The following ERC1 variants were observed in gnomAD, a reference collection of about 807,000 sequenced individuals.
ERC1 encodes ELKS/RAB6-interacting/CAST family member 1.
Under a neutral mutation model 132.0 loss-of-function variants are expected in ERC1, and 56 were observed. That is an observed-to-expected ratio of 0.42 (90% CI 0.34 to 0.53). The LOEUF is 0.53. Among genes scored for constraint, ERC1 ranks in the 20% least tolerant of loss-of-function variants. ERC1 has a pLI of 0.03. For missense variants in ERC1, 1,202 were observed against 1,349.9 expected (o/e 0.89, Z 1.72); for synonymous variants, 478 against 476.1 (o/e 1.00, Z -0.05).
intron 18 of ERC1, among the ~76,000 whole-genome samples, chr12:1,462,027 A>G (rs1033366839): frequency 6.6e-6 from 1 of 152,228 alleles, no homozygotes; most frequent in Non-Finnish European, 1.5e-5. Context: ...TTTAGTATCT[A>G]TTAGATACTT....
chr12:1,375,078 T>G (rs1052053657), intron 16 of ERC1, among the ~76,000 whole-genome samples: 6 of 144,810 alleles, frequency 4.1e-5, no homozygotes, highest in African/African-American at 1.6e-4. Context: ...ACCCTGGTTG[T>G]TCTAGTCATC....
chr12:1,056,665 G>A (rs1053030053), intron 2 of ERC1, among the ~76,000 whole-genome samples: 8 of 152,030 alleles, frequency 5.3e-5, no homozygotes, highest in Non-Finnish European at 5.9e-5. Context: ...TCTGCCCAGC[G>A]CAGTGTCTGT....
intron 2 of ERC1, among the ~76,000 whole-genome samples, chr12:1,049,016 T>C (rs1971495303): frequency 6.6e-6 from 1 of 152,246 alleles, no homozygotes; most frequent in Non-Finnish European, 1.5e-5. Flanking sequence ...TTAGGCCTTC[T>C]TGAAAATTAT....
intron 15 of ERC1, among the ~76,000 whole-genome samples, chr12:1,308,496 A>G (rs887316730): frequency 6.6e-6 from 1 of 152,190 alleles, no homozygotes; most frequent in Non-Finnish European, 1.5e-5. Flanking sequence ...GTTTCTTGGC[A>G]GTAGGACAGA....
Position 1,336,950 on chromosome 12 carries a change from A to G in ERC1, c.2781-34883A>G, listed in dbSNP as rs150181745. On this transcript the variant is annotated intron_variant, in intron 15 of 18. Transcript: ENST00000360905. ...GTAGCTGGGACTACAGGCATGCACG[A>G]GCATGCTGGCTATTTTGTTCTGTTT... is the stretch of plus-strand genomic sequence containing the variant. 1.7e-3 allele frequency among the ~76,000 whole-genome samples: 261 copies of G among 152,228 alleles called. 1 individual carries two copies. The highest frequency in any genetic ancestry group is 5.9e-3 in the African/African-American group (246 of 41,524).
At chr12:1,140,843 G>A (rs920979813) in intron 7 of ERC1, among the ~76,000 whole-genome samples, 7 of 151,982 alleles carry the variant, frequency 4.6e-5, no homozygotes, top group African/African-American at 1.7e-4. Flanking sequence ...ATATAAAATA[G>A]CTCATTAATA....
At position 1,254,614 on chromosome 12, in the gene ERC1, G is replaced by A. The variant is rs1205379976; in HGVS notation, c.2488-8420G>A. Among the ~76,000 whole-genome samples, 6 of 152,148 alleles carry A rather than the reference G, an allele frequency of 3.9e-5. No individual in the cohort carries two copies. The South Asian group carries it at 1.0e-3, about 26-fold the overall frequency. On this transcript the variant is annotated intron_variant, in intron 13 of 18. Coordinates refer to ENST00000360905, the MANE Select transcript of ERC1 (RefSeq NM_178040.4). ...TGCAACCACCGCCTCCCCGGTTCAG[G>A]CAATTCTCCCTGCCTCAGCCTCCCG...
intron 2 of ERC1, among the ~76,000 whole-genome samples, chr12:1,044,832 T>C (rs1035513222): frequency 6.6e-6 from 1 of 152,178 alleles, no homozygotes; most frequent in Non-Finnish European, 1.5e-5. Flanking sequence ...TCAGGAACTT[T>C]GAGTAGAGTA....
rs192922998 is a variant in ERC1 at position 1,024,699 on chromosome 12, C to T, written c.-156-3049C>T. Among the ~76,000 whole-genome samples, 12 of 151,640 alleles carry T rather than the reference C, an allele frequency of 7.9e-5. No individual in the cohort carries two copies. The East Asian group carries it at 1.9e-3, about 24-fold the overall frequency. On this transcript the variant is annotated intron_variant, in intron 1 of 18. Transcript: ENST00000360905. ...AATGATGCTAGGAAATCAGAGAGAT[C>T]TAGTTTAGATCTATATTGTCTTTGA...
At chr12:1,454,369 C>G (rs1420314095) in intron 18 of ERC1, among the ~76,000 whole-genome samples, 1 of 152,198 alleles carries the variant, frequency 6.6e-6, no homozygotes, top group Non-Finnish European at 1.5e-5. Context: ...ATAAGCCATT[C>G]TATCAAATTA....
rs1565893560 is a variant in ERC1 at position 1,065,011 on chromosome 12, C to CT, written c.670-18146dup. ...GAGTTTTTTCTTTTTTTTTCTTTTTCTTTTTTTGAGGCAGAGTCTCGCTCT... is the reference window on the plus strand; with the variant it reads ...GAGTTTTTTCTTTTTTTTTCTTTTTCTTTTTTTTGAGGCAGAGTCTCGCTCT... On this transcript the variant is annotated intron_variant, in intron 2 of 18. Transcript: ENST00000360905. 2.1e-5 allele frequency among the ~76,000 whole-genome samples: 3 copies of CT among 146,070 alleles called. No homozygotes were observed. In the South Asian group the frequency reaches 6.5e-4, roughly 32 times the overall value.
At chr12:1,483,327 G>A (rs2094127280) in intron 18 of ERC1, among the ~76,000 whole-genome samples, 1 of 152,086 alleles carries the variant, frequency 6.6e-6, no homozygotes, top group Non-Finnish European at 1.5e-5. Flanking sequence ...AATCATACAA[G>A]ACGTGGTCTG....
chr12:1,231,747 AT>A (rs1031466696), intron 12 of ERC1, among the ~76,000 whole-genome samples: 16 of 149,378 alleles, frequency 1.1e-4, no homozygotes, highest in Admixed American at 8.7e-4. Flanking sequence ...AAGTAAAGCA[AT>A]TTTTTTTTTG....
At chr12:1,183,250 A>AT in intron 10 of ERC1, 31 bp from the exon 11 acceptor site, 1 of 1,424,380 alleles carries the variant, frequency 7.0e-7, no homozygotes. Flanking sequence ...TTTTAAAATT[A>AT]TTTATTCTAG....
At chr12:1,442,681 G>A (rs2093190266) in intron 17 of ERC1, among the ~76,000 whole-genome samples, 1 of 152,022 alleles carries the variant, frequency 6.6e-6, no homozygotes, top group Non-Finnish European at 1.5e-5. Flanking sequence ...ATTATTTCCT[G>A]GAAATAGTAT....
rs142821515 is a variant in ERC1, at chr12:1,100,270, T to C, written c.1087-4480T>C. Among the ~76,000 whole-genome samples the C allele has an allele frequency of 3.4e-3, 513 of 152,060 alleles. 4 individuals carry two copies. Among genetic ancestry groups the C allele is most frequent in the African/African-American group, 0.012 (482 of 41,464 alleles). ...GACATGTTGAGGAAAAGCAAAGAGG[T>C]GAGTCTGGCTGGAGCCGACTGGATG... On this transcript the variant is annotated intron_variant, in intron 3 of 18. Coordinates refer to ENST00000360905, the MANE Select transcript of ERC1 (RefSeq NM_178040.4).
In ERC1 at chr12:1,122,573, C is replaced by CTG. The variant is rs1566021425; in HGVS notation, c.1569+6541_1569+6542insGT. ...TCTCTATCTCTATCTCTATCTGTGTCTCTATCTCTATCTCTATCTCTATCT... is the reference window on the plus strand; with the variant it reads ...TCTCTATCTCTATCTCTATCTGTGTCTGTCTATCTCTATCTCTATCTCTATCT... On this transcript the variant is annotated intron_variant, in intron 7 of 18. Transcript: ENST00000360905. Among the ~76,000 whole-genome samples, 30 of 21,130 alleles carry CTG rather than the reference C, an allele frequency of 1.4e-3. 1 individual carries two copies. The highest frequency in any genetic ancestry group is 4.2e-3 in the South Asian group (3 of 714). The allele number at this position is 21,130 out of a possible 152,430, so 13.9% of individuals were successfully genotyped here.
At chr12:1,309,710 CTGACTT>C (rs1301690158) in intron 15 of ERC1, among the ~76,000 whole-genome samples, 1 of 140,564 alleles carries the variant, frequency 7.1e-6, no homozygotes, top group Non-Finnish European at 1.5e-5. Flanking sequence ...TATGTGCACT[CTGACTT>C]TTTTTTTTTT....
intron 1 of ERC1, among the ~76,000 whole-genome samples, chr12:1,011,482 A>G (rs1377180505): frequency 1.3e-5 from 2 of 152,196 alleles, no homozygotes; most frequent in African/African-American, 2.4e-5. Flanking sequence ...CCAGGATTAC[A>G]GGTGTGAGCC....
Sources: allele counts gnomAD v4.1 joint callset (sites outside exome capture counted in the v4.1 genomes callset), GRCh38; gene constraint gnomAD v4.1.1; transcripts MANE v1.5; gene names NCBI Gene and HGNC (gene_info 2026-07-23, HGNC 2026-07-21).